UNC5C: variants seen among roughly 807,000 people sequenced by gnomAD.
The protein encoded by UNC5C is netrin receptor UNC5C.
In UNC5C, 47 loss-of-function variants were observed where a neutral mutation model predicts 99.8. The observed-to-expected ratio is 0.47, with a 90% CI of 0.37 to 0.60. UNC5C has a LOEUF of 0.60. Among genes scored for constraint, UNC5C ranks in the 20% least tolerant of loss-of-function variants. The pLI is 0.00. For synonymous variants in UNC5C, 487 were observed against 452.2 expected, an observed-to-expected ratio of 1.08 and a Z score of -0.98; for missense variants, 1,062 against 1,165.9, an observed-to-expected ratio of 0.91 and a Z score of 1.30.
At chr4:95,515,829 G>T in intron 1 of UNC5C, among the ~76,000 whole-genome samples, 1 of 152,228 alleles carries the variant, frequency 6.6e-6, no homozygotes, top group Admixed American at 6.5e-5. Flanking sequence ...CTATTTTAGG[G>T]CTGTATGCTG....
intron 12 of UNC5C, among the ~76,000 whole-genome samples, chr4:95,197,768 A>C (rs1371625977): frequency 6.6e-6 from 1 of 152,084 alleles, no homozygotes; most frequent in African/African-American, 2.4e-5. Context: ...CCCAATCAGA[A>C]ATGTATGATT....
chr4:95,200,456 T>G (rs535583509), intron 12 of UNC5C, among the ~76,000 whole-genome samples: 19 of 152,378 alleles, frequency 1.2e-4, no homozygotes, highest in African/African-American at 4.6e-4. Context: ...GCATGAAGCC[T>G]GCTTTCTCCA....
At chr4:95,459,342 T>TA (rs923011835) in intron 1 of UNC5C, among the ~76,000 whole-genome samples, 4 of 152,080 alleles carry the variant, frequency 2.6e-5, no homozygotes, top group Non-Finnish European at 5.9e-5. Flanking sequence ...CTCAAGAGTT[T>TA]AAAAAAATCA....
intron 1 of UNC5C, among the ~76,000 whole-genome samples, chr4:95,408,308 C>T (rs920583718): frequency 6.6e-6 from 1 of 152,144 alleles, no homozygotes; most frequent in African/African-American, 2.4e-5. Flanking sequence ...GAAAATACTT[C>T]TGATTGTCTA....
chr4:95,208,903 A>G (rs976920750), intron 10 of UNC5C, among the ~76,000 whole-genome samples: 1 of 152,148 alleles, frequency 6.6e-6, no homozygotes, highest in Non-Finnish European at 1.5e-5. Context: ...ATCTATGGGT[A>G]CCCTCGTTGA....
intron 1 of UNC5C, among the ~76,000 whole-genome samples, chr4:95,342,361 C>T (rs1743611673): frequency 6.6e-6 from 1 of 152,036 alleles, no homozygotes; most frequent in African/African-American, 2.4e-5. Context: ...TCCTGAGGCC[C>T]ATATTCTAGG....
At chr4:95,170,750 AG>A (rs1171480321) in intron 14 of UNC5C, among the ~76,000 whole-genome samples, 1 of 152,234 alleles carries the variant, frequency 6.6e-6, no homozygotes, top group Non-Finnish European at 1.5e-5. Flanking sequence ...CTGAGATTCA[AG>A]GCTTCTGGAA....
At chr4:95,326,123 C>T (rs1460641646) in intron 2 of UNC5C, among the ~76,000 whole-genome samples, 1 of 152,018 alleles carries the variant, frequency 6.6e-6, no homozygotes, top group Non-Finnish European at 1.5e-5. Flanking sequence ...TCCTAATTTA[C>T]CAAAGGAGAA....
Position 95,242,533 on chromosome 4 carries a change from C to T in UNC5C, c.1004G>A (p.Trp335Ter). 1 of 1,612,104 alleles carries T rather than the reference C, an allele frequency of 6.2e-7. No individual in the cohort carries two copies. The highest frequency in any genetic ancestry group is 8.5e-7 in the Non-Finnish European group (1 of 1,179,080). The change falls in exon 7 of 16, where the codon TGG becomes TAG. Residue 335 changes from tryptophan to a stop codon, truncating the protein, a stop_gained. Transcript: ENST00000453304. LOFTEE classifies it high-confidence loss of function. ...TGGCGCCGTGCACTCCCTCCTGCGC[C>T]AGTGGGTGCACTCAGTTCCACAAGT... is the stretch of plus-strand genomic sequence containing the variant. ...WSTCGTECTHWRRRECTAPAP... is the reference protein window; with the variant it reads ...WSTCGTECTH
At chr4:95,321,949 G>A (rs1014619379) in intron 2 of UNC5C, among the ~76,000 whole-genome samples, 1 of 152,242 alleles carries the variant, frequency 6.6e-6, no homozygotes, top group Non-Finnish European at 1.5e-5. Context: ...TTAGTTTCTG[G>A]TATTGAAATA....
intron 1 of UNC5C, among the ~76,000 whole-genome samples, chr4:95,380,618 C>T (rs745775314): frequency 2.6e-5 from 4 of 151,794 alleles, no homozygotes; most frequent in Non-Finnish European, 2.9e-5. Flanking sequence ...CACCATTTAC[C>T]CAGAAAAGAC....
Position 95,175,011 on chromosome 4 carries a change from CT to C in UNC5C, c.2452-4680del, listed in dbSNP as rs1434267435. Among the ~76,000 whole-genome samples, 10 of 151,826 alleles carry C rather than the reference CT, an allele frequency of 6.6e-5. No homozygotes were observed. The East Asian group carries it at 1.6e-3, about 24-fold the overall frequency. On this transcript the variant is annotated intron_variant, in intron 14 of 15. Coordinates refer to ENST00000453304, the MANE Select transcript of UNC5C (RefSeq NM_003728.4). ...ACCATTATGTAATGGCCTTCTTTGT[CT>C]TTTTTGATCTTTGTTGGTTTAAAGT...
At chr4:95,334,357 A>G (rs754604925) in intron 2 of UNC5C, among the ~76,000 whole-genome samples, 1 of 152,028 alleles carries the variant, frequency 6.6e-6, no homozygotes, top group Non-Finnish European at 1.5e-5. Flanking sequence ...ATTTTGGTTC[A>G]GAGAGATATC....
At chr4:95,318,336 C>T (rs1233400821) in intron 2 of UNC5C, among the ~76,000 whole-genome samples, 1 of 152,124 alleles carries the variant, frequency 6.6e-6, no homozygotes, top group Non-Finnish European at 1.5e-5. Flanking sequence ...CTGGAAGAGA[C>T]AAGAAACAGA....
chr4:95,431,000 C>T (rs528043343), intron 1 of UNC5C, among the ~76,000 whole-genome samples: 97 of 152,212 alleles, frequency 6.4e-4, no homozygotes, highest in African/African-American at 2.1e-3. Flanking sequence ...CATCATTCTT[C>T]ATCCAGATTT....
chr4:95,486,794 T>C (rs147637512), intron 1 of UNC5C, among the ~76,000 whole-genome samples: 138 of 151,558 alleles, frequency 9.1e-4, no homozygotes, highest in African/African-American at 3.1e-3. Flanking sequence ...CTTATCACAA[T>C]GTACTATGAA....
intron 1 of UNC5C, among the ~76,000 whole-genome samples, chr4:95,445,535 A>G (rs1178095933): frequency 6.6e-6 from 1 of 152,190 alleles, no homozygotes; most frequent in Non-Finnish European, 1.5e-5. Flanking sequence ...ATTCAGTAAG[A>G]TAAGGATACT....
intron 3 of UNC5C, among the ~76,000 whole-genome samples, chr4:95,286,922 A>G (rs1326162675): frequency 6.6e-6 from 1 of 152,140 alleles, no homozygotes; most frequent in Non-Finnish European, 1.5e-5. Flanking sequence ...TTATCAAAAT[A>G]CTTGTGTGGG....
At chr4:95,457,738 A>G (rs2149469746) in intron 1 of UNC5C, among the ~76,000 whole-genome samples, 1 of 152,290 alleles carries the variant, frequency 6.6e-6, no homozygotes, top group East Asian at 1.9e-4. Context: ...ACACAGAAAT[A>G]GAAAAAGAAA....
Sources: allele counts gnomAD v4.1 joint callset (sites outside exome capture counted in the v4.1 genomes callset), GRCh38; gene constraint gnomAD v4.1.1; transcripts MANE v1.5; gene names NCBI Gene and HGNC (gene_info 2026-07-23, HGNC 2026-07-21).